Variants in CADM1 observed in about 807,000 individuals in gnomAD.
CADM1 encodes TSLC-1.
CADM1 carries 15 observed loss-of-function variants against 53.1 expected under a neutral mutation model. That is an observed-to-expected ratio of 0.28 (90% CI 0.19 to 0.44). The LOEUF (loss-of-function observed/expected upper bound fraction) is 0.44. Among genes scored for constraint, CADM1 ranks in the 20% least tolerant of loss-of-function variants. CADM1 has a pLI of 1.00. For synonymous variants in CADM1, 281 were observed against 243.0 expected, an observed-to-expected ratio of 1.16 and a Z score of -1.45; for missense variants, 434 against 611.3, an observed-to-expected ratio of 0.71 and a Z score of 3.06.
chr11:115,370,815 A>G (rs916494155), intron 1 of CADM1, among the ~76,000 whole-genome samples: 3 of 152,220 alleles, frequency 2.0e-5, no homozygotes, highest in African/African-American at 7.2e-5. Context: ...AGGAAGTCAG[A>G]GGCACCCACA....
chr11:115,289,388 C>A (rs1234501), intron 1 of CADM1, among the ~76,000 whole-genome samples: 152,093 of 152,104 alleles, frequency 1, 76,041 homozygotes, highest in Middle Eastern at 1. Context: ...ATAAATAAAT[C>A]AAGTTATTTA....
chr11:115,280,063 C>T (rs1399766145), intron 1 of CADM1, among the ~76,000 whole-genome samples: 1 of 152,190 alleles, frequency 6.6e-6, no homozygotes, highest in Non-Finnish European at 1.5e-5. Context: ...ATACATGCCT[C>T]AATTAGTAAG....
chr11:115,296,930 C>T (rs1365147712), intron 1 of CADM1, among the ~76,000 whole-genome samples: 1 of 152,166 alleles, frequency 6.6e-6, no homozygotes, highest in Non-Finnish European at 1.5e-5. Context: ...CAAGGGAATA[C>T]ATAAATAAAT....
intron 1 of CADM1, among the ~76,000 whole-genome samples, chr11:115,482,270 A>G (rs940794720): frequency 2.6e-5 from 4 of 151,978 alleles, no homozygotes; most frequent in Non-Finnish European, 5.9e-5. Context: ...CTTCCACAGC[A>G]CTCCTGAACT....
chr11:115,260,378 C>T lies in CADM1; in HGVS notation c.125-19958G>A, dbSNP rs73574159. ...GTGGTTTGTATCAGGTAATATGTCA[C>T]ATCATACATATTGGTTGTACGCTGG... On this transcript the variant is annotated intron_variant, in intron 1 of 11. Coordinates refer to ENST00000331581, the MANE Select transcript of CADM1 (RefSeq NM_001301043.2). Among the ~76,000 whole-genome samples the T allele has an allele frequency of 9.8e-3, 1,491 of 152,352 alleles. 20 individuals are homozygous for T. Among genetic ancestry groups the T allele is most frequent in the African/African-American group, 0.034 (1,416 of 41,582 alleles).
intron 9 of CADM1, among the ~76,000 whole-genome samples, chr11:115,195,036 T>C (rs941750012): frequency 2.0e-5 from 3 of 152,232 alleles, no homozygotes; most frequent in Non-Finnish European, 4.4e-5. Flanking sequence ...ACAGGATTCT[T>C]CCTGTCCAGG....
intron 1 of CADM1, among the ~76,000 whole-genome samples, chr11:115,352,894 T>A (rs1945772490): frequency 6.6e-6 from 1 of 152,218 alleles, no homozygotes; most frequent in Admixed American, 6.5e-5. Flanking sequence ...CCACGGTGTA[T>A]ATGTACCACA....
chr11:115,248,786 AAG>A (rs144465950), intron 1 of CADM1, among the ~76,000 whole-genome samples: 3 of 152,138 alleles, frequency 2.0e-5, no homozygotes, highest in Non-Finnish European at 4.4e-5. Flanking sequence ...TGAGAACTAA[AAG>A]AGAGAGAAAA....
intron 1 of CADM1, among the ~76,000 whole-genome samples, chr11:115,326,455 T>C (rs929885346): frequency 2.0e-5 from 3 of 152,184 alleles, no homozygotes; most frequent in Admixed American, 6.5e-5. Context: ...ATGTCCTTCT[T>C]GTTATGGTTT....
intron 1 of CADM1, among the ~76,000 whole-genome samples, chr11:115,436,067 A>G (rs1948176562): frequency 6.6e-6 from 1 of 152,190 alleles, no homozygotes; most frequent in Non-Finnish European, 1.5e-5. Flanking sequence ...CCATGGTGAC[A>G]GGGGCTTTAA....
At chr11:115,378,795 A>C (rs774234881) in intron 1 of CADM1, among the ~76,000 whole-genome samples, 7 of 152,228 alleles carry the variant, frequency 4.6e-5, no homozygotes, top group Non-Finnish European at 8.8e-5. Context: ...TTCACACTAC[A>C]ACAGCAGAGC....
rs775742585 is a variant in CADM1 at position 115,217,984 on chromosome 11, A to G, written c.729T>C (p.Pro243=). The G allele has an allele frequency of 6.2e-7, 1 of 1,611,366 alleles. No individual in the cohort carries two copies. The highest frequency in any genetic ancestry group is 1.1e-5 in the South Asian group (1 of 91,038). ...GATAAGTCATCTGAATGTGCACTTGAGGCTTATCTGTGTGACAAAAACACA... is the reference window on the plus strand; with the variant it reads ...GATAAGTCATCTGAATGTGCACTTGGGGCTTATCTGTGTGACAAAAACACA... The part of the protein sequence containing the change: ...TQRYLEVQYK[P]QVHIQMTYPL... Residue 243 remains proline (P), a synonymous_variant, in exon 6 of 12, where the codon CCT becomes CCC. Coordinates refer to ENST00000331581, the MANE Select transcript of CADM1 (RefSeq NM_001301043.2).
In CADM1 at chr11:115,296,200, C is replaced by T. The variant is rs998490577; in HGVS notation, c.125-55780G>A. Among the ~76,000 whole-genome samples, 9 of 152,316 alleles carry T rather than the reference C, an allele frequency of 5.9e-5. No homozygotes were observed. The South Asian group carries it at 1.2e-3, about 21-fold the overall frequency. On this transcript the variant is annotated intron_variant, in intron 1 of 11. Transcript: ENST00000331581. Reference sequence around the variant, plus strand: ...TCCTGGGCTCAAGCAATCCTCCCATCTCAGACTCCCAAAATGCTGGGATTA... The same window carrying T: ...TCCTGGGCTCAAGCAATCCTCCCATTTCAGACTCCCAAAATGCTGGGATTA...
At chr11:115,210,281 A>G (rs1270745725) in intron 7 of CADM1, among the ~76,000 whole-genome samples, 2 of 152,240 alleles carry the variant, frequency 1.3e-5, no homozygotes, top group African/African-American at 4.8e-5. Context: ...AATAAATTTT[A>G]CAACTTATAA....
intron 1 of CADM1, among the ~76,000 whole-genome samples, chr11:115,464,261 T>C (rs942953263): frequency 5.9e-5 from 9 of 152,164 alleles, no homozygotes; most frequent in African/African-American, 2.2e-4. Context: ...TATAGGTGCG[T>C]GTGTATTTTA....
chr11:115,490,693 C>T (rs993843520), intron 1 of CADM1, among the ~76,000 whole-genome samples: 7 of 152,140 alleles, frequency 4.6e-5, no homozygotes, highest in Admixed American at 3.3e-4. Flanking sequence ...CCACCATGCC[C>T]GGCCAGAACA....
At chr11:115,209,206 AAGAC>A (rs1463139153) in intron 8 of CADM1, among the ~76,000 whole-genome samples, 1 of 152,248 alleles carries the variant, frequency 6.6e-6, no homozygotes, top group Admixed American at 6.5e-5. Flanking sequence ...AGATGAAACT[AAGAC>A]AGAGACAAGA....
At chr11:115,502,770 C>CA (rs1472888478) in intron 1 of CADM1, among the ~76,000 whole-genome samples, 3 of 152,174 alleles carry the variant, frequency 2.0e-5, no homozygotes, top group Admixed American at 2.0e-4. Flanking sequence ...AGCACCCCCA[C>CA]ACATCCCCCG....
At chr11:115,272,056 A>G (rs1419122298) in intron 1 of CADM1, among the ~76,000 whole-genome samples, 2 of 148,688 alleles carry the variant, frequency 1.3e-5, no homozygotes, top group African/African-American at 4.9e-5. Flanking sequence ...GTTTAATATC[A>G]CTTTTTCTGG....
Sources: gnomAD v4.1 joint callset for allele counts (sites outside exome capture counted in the v4.1 genomes callset) on GRCh38, gnomAD v4.1.1 for gene constraint, MANE v1.5 for transcripts, NCBI Gene and HGNC (gene_info 2026-07-23, HGNC 2026-07-21) for gene names.